The following SUV39H2 variants were observed in gnomAD, a reference collection of about 807,000 sequenced individuals.
The protein encoded by SUV39H2 is histone-lysine N-methyltransferase SUV39H2.
SUV39H2 carries 10 observed loss-of-function variants against 47.5 expected under a neutral mutation model. The observed-to-expected ratio is 0.21, with a 90% CI of 0.13 to 0.36. The LOEUF is 0.36. Among genes scored for constraint, SUV39H2 ranks in the 10% least tolerant of loss-of-function variants. The pLI is 1.00. For synonymous variants in SUV39H2, 159 were observed against 166.8 expected (o/e 0.95, Z 0.36); for missense variants, 266 against 487.4 (o/e 0.55, Z 4.28).
At chr10:14,894,366 T>G (rs1471066713) in intron 2 of SUV39H2, among the ~76,000 whole-genome samples, 5 of 51,052 alleles carry the variant, frequency 9.8e-5, no homozygotes, top group African/African-American at 2.3e-4. Context: ...TTTTTTTTTT[T>G]TTTTTTTTTT....
intron 1 of SUV39H2, 116 bp downstream of exon 1, chr10:14,879,035 C>G (rs935657058): frequency 1.5e-6 from 2 of 1,319,300 alleles, no homozygotes; most frequent in Admixed American, 4.2e-5. Context: ...TCCCCGCCCG[C>G]CGCGACCCCA....
intron 2 of SUV39H2, among the ~76,000 whole-genome samples, chr10:14,892,676 C>G (rs1833425268): frequency 6.6e-6 from 1 of 152,154 alleles, no homozygotes; most frequent in Non-Finnish European, 1.5e-5. Context: ...ACTGCTGCCT[C>G]TTCCCTAAGA....
chr10:14,897,144 C>T lies in SUV39H2; in HGVS notation c.476C>T (p.Thr159Ile). 2 of 1,613,658 alleles carry T rather than the reference C, an allele frequency of 1.2e-6. No individual in the cohort carries two copies. Among genetic ancestry groups the T allele is most frequent in the Non-Finnish European group, 1.7e-6 (2 of 1,179,934 alleles). ...AAAGGAATGATATTTGTTGAAAATA[C>T]TGTTGATTTAGAGGGCCCACCTTCA... ...NHKGMIFVEN[T>I]VDLEGPPSDF... The change falls in exon 3 of 6, where the codon ACT becomes ATT. Residue 159 changes from threonine to isoleucine, a missense_variant. Thr to Ile is a moderately conservative substitution (Grantham distance 89). Coordinates refer to ENST00000354919, the MANE Select transcript of SUV39H2 (RefSeq NM_001193424.2).
chr10:14,897,434 C>G lies in SUV39H2; in HGVS notation c.766C>G (p.Arg256Gly). The change falls in exon 3 of 6, where the codon CGA becomes GGA. Residue 256 changes from arginine to glycine, a missense_variant. Physicochemically the swap from Arg to Gly is moderately radical, Grantham distance 125. Coordinates refer to ENST00000354919, the MANE Select transcript of SUV39H2 (RefSeq NM_001193424.2). ...CACACAGTATTCGCTTTGCATCTTTCGAACTAGCAATGGACGTGGCTGGGG... is the reference window on the plus strand; with the variant it reads ...CACACAGTATTCGCTTTGCATCTTTGGAACTAGCAATGGACGTGGCTGGGG... Reference protein sequence around the residue: ...KGTQYSLCIFRTSNGRGWGVK... With the variant: ...KGTQYSLCIFGTSNGRGWGVK... The G allele has an allele frequency of 6.2e-7, 1 of 1,612,630 alleles. No homozygotes were observed. Among genetic ancestry groups the G allele is most frequent in the Non-Finnish European group, 8.5e-7 (1 of 1,179,034 alleles).
In SUV39H2 at chr10:14,878,893, C is replaced by G; in HGVS notation, c.5C>G (p.Ala2Gly). Residue 2 changes from alanine to glycine, a missense_variant, in exon 1 of 6, where the codon GCG (alanine) becomes GGG (glycine). Physicochemically the swap from Ala to Gly is moderately conservative, Grantham distance 60. Coordinates refer to ENST00000354919, the MANE Select transcript of SUV39H2 (RefSeq NM_001193424.2). M[A>G]AVGAEARGAW... ...TTTGAATGAAAGCTCTACAAGATGGCGGCGGTCGGGGCCGAGGCGCGAGGA... is the reference window on the plus strand; with the variant it reads ...TTTGAATGAAAGCTCTACAAGATGGGGGCGGTCGGGGCCGAGGCGCGAGGA... The G allele has an allele frequency of 1.3e-6, 2 of 1,487,524 alleles. No homozygotes were observed. The highest frequency in any genetic ancestry group is 1.3e-5 in the South Asian group (1 of 75,602). 92.1% of individuals were successfully genotyped at this position (1,487,524 alleles called of 1,614,324 possible). A position where few individuals can be genotyped will look rare whatever the true frequency, so the allele number is the denominator to read the frequency against.
chr10:14,896,343 A>C (rs1833608227), intron 2 of SUV39H2, among the ~76,000 whole-genome samples: 1 of 152,114 alleles, frequency 6.6e-6, no homozygotes, highest in African/African-American at 2.4e-5. Flanking sequence ...TGGATAGTTC[A>C]TCTCTAGAAC....
At chr10:14,882,755 T>A (rs1833076453) in intron 2 of SUV39H2, among the ~76,000 whole-genome samples, 1 of 152,166 alleles carries the variant, frequency 6.6e-6, no homozygotes, top group Non-Finnish European at 1.5e-5. Flanking sequence ...AAATAGGATC[T>A]TTCATTTGTA....
At chr10:14,892,103 G>T (rs1833407846) in intron 2 of SUV39H2, among the ~76,000 whole-genome samples, 1 of 152,198 alleles carries the variant, frequency 6.6e-6, no homozygotes, top group South Asian at 2.1e-4. Context: ...AGGGGAAGCA[G>T]TCTCAGCAAG....
intron 2 of SUV39H2, among the ~76,000 whole-genome samples, chr10:14,883,771 A>C (rs1352292369): frequency 1.3e-5 from 2 of 150,292 alleles, no homozygotes; most frequent in African/African-American, 4.9e-5. Flanking sequence ...AGTCAGTTTT[A>C]GAACACTTTT....
At position 14,904,157 on chromosome 10, in the gene SUV39H2, T is replaced by A. The variant is rs1291754848; in HGVS notation, c.*1645T>A. The A allele has an allele frequency of 6.6e-6, 1 of 151,750 alleles. No homozygotes were observed. The highest frequency in any genetic ancestry group is 1.9e-4 in the East Asian group (1 of 5,140). 9.4% of individuals were successfully genotyped at this position (151,750 alleles called of 1,614,324 possible). On this transcript the variant is annotated 3_prime_UTR_variant, in exon 6 of 6. Transcript: ENST00000354919. ...CTGTCTCTACTGAAAATACAAAAAT[T>A]AGCCGGGCGTGGTGGCACACGCCTG...
At chr10:14,893,042 G>A (rs1292561034) in intron 2 of SUV39H2, among the ~76,000 whole-genome samples, 15 of 131,166 alleles carry the variant, frequency 1.1e-4, no homozygotes, top group African/African-American at 3.8e-4. Context: ...TCTCGCTGTC[G>A]CCCAGGCTGG....
chr10:14,898,103 T>A (rs1289444400), intron 3 of SUV39H2: 2 of 150,172 alleles, frequency 1.3e-5, no homozygotes, highest in African/African-American at 2.4e-5. Context: ...TATATATATA[T>A]AAATGTAAAA....
At chr10:14,895,372 C>T (rs371750661) in intron 2 of SUV39H2, among the ~76,000 whole-genome samples, 7 of 151,968 alleles carry the variant, frequency 4.6e-5, no homozygotes, top group Admixed American at 2.0e-4. Flanking sequence ...GACAGGGTTT[C>T]GCCATATTGG....
chr10:14,887,814 G>A (rs1441985768), intron 2 of SUV39H2, among the ~76,000 whole-genome samples: 1 of 152,236 alleles, frequency 6.6e-6, no homozygotes, highest in Non-Finnish European at 1.5e-5. Context: ...CGTAAGTGTT[G>A]ATGTGACAGA....
In SUV39H2 at chr10:14,902,558, A is replaced by G. The variant is rs1267663403; in HGVS notation, c.*46A>G. The stretch of plus-strand genomic sequence containing the variant: ...TGATGATTATAATATTTTTTTCCTA[A>G]TGTTAACATTTTTAAAAATACATAT... On this transcript the variant is annotated 3_prime_UTR_variant, in exon 6 of 6. Coordinates refer to ENST00000354919, the MANE Select transcript of SUV39H2 (RefSeq NM_001193424.2). 3 of 1,249,954 alleles carry G rather than the reference A, an allele frequency of 2.4e-6. No homozygotes were observed. The highest frequency in any genetic ancestry group is 3.3e-6 in the Non-Finnish European group (3 of 908,594). The allele number at this position is 1,249,954 out of a possible 1,614,324, so 77.4% of individuals were successfully genotyped here. A position where few individuals can be genotyped will look rare whatever the true frequency, so the allele number is the denominator to read the frequency against.
At position 14,893,791 on chromosome 10, in the gene SUV39H2, C is replaced by G. The variant is rs189963573; in HGVS notation, c.178-3055C>G. Among the ~76,000 whole-genome samples, 417 of 152,274 alleles carry G rather than the reference C, an allele frequency of 2.7e-3. 1 individual carries two copies. Among genetic ancestry groups the G allele is most frequent in the African/African-American group, 9.5e-3 (396 of 41,566 alleles). The stretch of plus-strand genomic sequence containing the variant: ...GTACCAATGTGATTAGCATACAAAA[C>G]TTGGTCATTTAAAATGCAAGTGATT... On this transcript the variant is annotated intron_variant, in intron 2 of 5. Transcript: ENST00000354919.
Position 14,903,334 on chromosome 10 carries a change from A to T in SUV39H2, c.*822A>T, listed in dbSNP as rs777629147. On this transcript the variant is annotated 3_prime_UTR_variant, in exon 6 of 6. Transcript: ENST00000354919. ...TTAAGGGCGCCTGTTAGTAACATGA[A>T]TTGGAAATCTGTGTCGAGTACCTCT... 2.6e-5 allele frequency: 4 copies of T among 152,206 alleles called. No individual in the cohort carries two copies. Among genetic ancestry groups the T allele is most frequent in the Non-Finnish European group, 5.9e-5 (4 of 68,038 alleles). 9.4% of individuals were successfully genotyped at this position (152,206 alleles called of 1,614,324 possible).
At chr10:14,895,699 T>A (rs1223172028) in intron 2 of SUV39H2, among the ~76,000 whole-genome samples, 1 of 152,178 alleles carries the variant, frequency 6.6e-6, no homozygotes, top group Non-Finnish European at 1.5e-5. Context: ...CAGCATTCTC[T>A]AGAAGAGAGC....
At chr10:14,886,622 T>C (rs890303258) in intron 2 of SUV39H2, among the ~76,000 whole-genome samples, 2 of 152,256 alleles carry the variant, frequency 1.3e-5, no homozygotes, top group Admixed American at 6.5e-5. Context: ...AGCAGCATTC[T>C]GTTGACTCGT....
Sources: gnomAD v4.1 joint callset for allele counts (sites outside exome capture counted in the v4.1 genomes callset) on GRCh38, gnomAD v4.1.1 for gene constraint, MANE v1.5 for transcripts, NCBI Gene and HGNC (gene_info 2026-07-23, HGNC 2026-07-21) for gene names.